OCSTAMP: variants seen among roughly 807,000 people sequenced by gnomAD.
OCSTAMP encodes osteoclast stimulatory transmembrane protein.
OCSTAMP carries 17 observed loss-of-function variants against 25.2 expected under a neutral mutation model. The observed-to-expected ratio is 0.68, with a 90% CI of 0.46 to 1.01. The LOEUF is 1.01. OCSTAMP is among the 50% of genes least tolerant of loss of function. The pLI is 0.00. For synonymous variants in OCSTAMP, 345 were observed against 318.9 expected, an observed-to-expected ratio of 1.08 and a Z score of -0.87; for missense variants, 664 against 694.6, an observed-to-expected ratio of 0.96 and a Z score of 0.50.
In OCSTAMP at chr20:46,546,121, CA is replaced by C. The variant is rs1001843150; in HGVS notation, c.252del (p.Ala85ProfsTer10). 2 of 1,551,656 alleles carry C rather than the reference CA, an allele frequency of 1.3e-6. No homozygotes were observed. Among genetic ancestry groups the C allele is most frequent in the African/African-American group, 2.7e-5 (2 of 73,062 alleles). On this transcript the variant is annotated frameshift_variant, in exon 2 of 3. Transcript: ENST00000279028. LOFTEE classifies it high-confidence loss of function. ...AAGACCAGGAGGCCACAGACAGTGG[CA>C]ACCATGGCTGAAGGTCCAGGAGGAT... ...LLYPPGPSAMVATVCGLLVFL... is the reference protein window; with the variant it reads ...LLYPPGPSAMXATVCGLLVFL...
intron 1 of OCSTAMP, 23 bp from the exon 2 acceptor site, chr20:46,546,352 G>A (rs560803460): frequency 9.2e-6 from 14 of 1,528,502 alleles, no homozygotes; most frequent in Middle Eastern, 2.3e-4. Flanking sequence ...AAATTGAAGG[G>A]CATCTCTATC....
intron 2 of OCSTAMP, among the ~76,000 whole-genome samples, chr20:46,543,862 AC>A (rs1228376802): frequency 1.3e-5 from 2 of 152,164 alleles, no homozygotes; most frequent in Non-Finnish European, 2.9e-5. Context: ...AAATCAGGGA[AC>A]ATGCTTAGAA....
In OCSTAMP at chr20:46,541,725, A is replaced by G; in HGVS notation, c.1250T>C (p.Leu417Pro). ...ALQLLAGSTV[L>P]LEAYARRLRH... is the part of the protein sequence containing the mutation. ...CAGGCGGCGGGCGTAGGCCTCCAGG[A>G]GCACCGTGGAGCCCGCCAGGAGCTG... The change falls in exon 3 of 3, where the codon CTC becomes CCC. Residue 417 changes from leucine (L) to proline (P), a missense_variant. By Grantham distance (98) the Leu-to-Pro change is moderately conservative. Coordinates refer to ENST00000279028, the MANE Select transcript of OCSTAMP (RefSeq NM_080721.3). The G allele has an allele frequency of 6.5e-7, 1 of 1,547,390 alleles. No homozygotes were observed.
At position 46,545,378 on chromosome 20, in the gene OCSTAMP, G is replaced by C. The variant is rs1231318876; in HGVS notation, c.996C>G (p.Asp332Glu). ...GCACAGTTGGCAACTTCTGAGCCCA[G>C]TCCACAGTAGCCTGTGCCAGGAGGA... is the stretch of plus-strand genomic sequence containing the variant. ...VAFLLAQATVDWAQKLPTVPI... is the reference protein window; with the variant it reads ...VAFLLAQATVEWAQKLPTVPI... Residue 332 changes from aspartate (D) to glutamate (E), a missense_variant, in exon 2 of 3, where the codon GAC (aspartate) becomes GAG (glutamate). Transcript: ENST00000279028. 25 of 1,522,790 alleles carry C rather than the reference G, an allele frequency of 1.6e-5. No individual in the cohort carries two copies. The highest frequency in any genetic ancestry group is 2.2e-5 in the Non-Finnish European group (25 of 1,135,706). 94.3% of individuals were successfully genotyped at this position (1,522,790 alleles called of 1,614,324 possible).
Position 46,545,775 on chromosome 20 carries a change from A to G in OCSTAMP, c.599T>C (p.Met200Thr), listed in dbSNP as rs1435351411. The change falls in exon 2 of 3, where the codon ATG becomes ACG. Residue 200 changes from methionine to threonine, a missense_variant. By Grantham distance (81) the Met-to-Thr change is moderately conservative. Coordinates refer to ENST00000279028, the MANE Select transcript of OCSTAMP (RefSeq NM_080721.3). ...CAGGACCTGCTGAGTGACCCTGAGC[A>G]TGTGAAGGTAGAAGGCAGAGCCATT... ...QDNGSAFYLH[M>T]LRVTQQVLED... The G allele has an allele frequency of 4.5e-6, 7 of 1,551,492 alleles. No homozygotes were observed. The highest frequency in any genetic ancestry group is 6.1e-6 in the Non-Finnish European group (7 of 1,146,992).
Position 46,550,499 on chromosome 20 carries a change from C to G in OCSTAMP, c.44+18G>C. The G allele has an allele frequency of 3.9e-6, 6 of 1,551,184 alleles. No individual in the cohort carries two copies. Among genetic ancestry groups the G allele is most frequent in the Non-Finnish European group, 5.2e-6 (6 of 1,146,564 alleles). On this transcript the variant is annotated intron_variant, in intron 1 of 2. Transcript: ENST00000279028. ...TTTCTCACCTGTAGCCCTCAGTGTC[C>G]AAAGTCCCCAGACCTACCCGGTCTT...
chr20:46,545,074 T>A (rs760768032), intron 2 of OCSTAMP, among the ~76,000 whole-genome samples: 39 of 152,176 alleles, frequency 2.6e-4, no homozygotes, highest in Non-Finnish European at 5.3e-4. Context: ...AGGGTGACCT[T>A]GGATGCAAGT....
In OCSTAMP at chr20:46,541,052, A is replaced by T; in HGVS notation, c.*222T>A. On this transcript the variant is annotated 3_prime_UTR_variant, in exon 3 of 3. Transcript: ENST00000279028. ...AATCTAAGATTTAATAAATACGTTT[A>T]TTTATAAAATTAAAACTATGGGTTA... 2.0e-6 allele frequency: 1 copy of T among 490,490 alleles called. No homozygotes were observed. Among genetic ancestry groups the T allele is most frequent in the East Asian group, 3.0e-5 (1 of 33,172 alleles). 30.4% of individuals were successfully genotyped at this position (490,490 alleles called of 1,614,324 possible). A position where few individuals can be genotyped will look rare whatever the true frequency, so the allele number is the denominator to read the frequency against.
rs1601102562 is a variant in OCSTAMP, at chr20:46,545,216, G to C, written c.1047+111C>G. The C allele has an allele frequency of 6.8e-6, 8 of 1,182,672 alleles. 3 individuals are homozygous for C. The Admixed American group carries it at 2.6e-4, about 39-fold the overall frequency. The allele number at this position is 1,182,672 out of a possible 1,614,324, so 73.3% of individuals were successfully genotyped here. On this transcript the variant is annotated intron_variant, in intron 2 of 2. Coordinates refer to ENST00000279028, the MANE Select transcript of OCSTAMP (RefSeq NM_080721.3). ...GTATGGGGCCCCATGGATGATTCAA[G>C]GGCTGTTTCTTGGAGGCAAGTCAAA... is the stretch of plus-strand genomic sequence containing the variant.
chr20:46,550,465 G>A, intron 1 of OCSTAMP, 52 bp downstream of exon 1: 1 of 1,504,408 alleles, frequency 6.6e-7, no homozygotes. Context: ...ACCCCCAATG[G>A]CTGACTGTTT....
chr20:46,549,633 G>A (rs1258175252), intron 1 of OCSTAMP, among the ~76,000 whole-genome samples: 1 of 152,134 alleles, frequency 6.6e-6, no homozygotes, highest in Non-Finnish European at 1.5e-5. Context: ...ATCCCTGACA[G>A]AAGGAACAGC....
Position 46,545,477 on chromosome 20 carries a change from A to G in OCSTAMP, c.897T>C (p.Cys299=), listed in dbSNP as rs1267675757. Reference sequence around the variant, plus strand: ...GGGCAAGCAGCCCCAGCCTTAGAAGACAACTCAACAGCTCCTCCTGTGACA... The same window carrying G: ...GGGCAAGCAGCCCCAGCCTTAGAAGGCAACTCAACAGCTCCTCCTGTGACA... ...LRLSQEELLS[C]LLRLGLLALL... Residue 299 remains cysteine, a synonymous_variant, in exon 2 of 3, where the codon TGT becomes TGC. Coordinates refer to ENST00000279028, the MANE Select transcript of OCSTAMP (RefSeq NM_080721.3). 1.9e-6 allele frequency: 3 copies of G among 1,551,364 alleles called. No individual in the cohort carries two copies. The African/African-American group carries it at 4.1e-5, about 21-fold the overall frequency.
Position 46,550,625 on chromosome 20 carries a change from TG to T in OCSTAMP, c.-66del. The T allele has an allele frequency of 1.7e-5, 25 of 1,458,170 alleles. No homozygotes were observed. In the South Asian group the frequency reaches 3.0e-4, roughly 18 times the overall value. 90.3% of individuals were successfully genotyped at this position (1,458,170 alleles called of 1,614,324 possible). A position where few individuals can be genotyped will look rare whatever the true frequency, so the allele number is the denominator to read the frequency against. Reference sequence around the variant, plus strand: ...GCAGCTGTGGCAGGTGGAGAGGAAGTGGGGGAATCGCTGGGACTTGGGAATC... The same window carrying T: ...GCAGCTGTGGCAGGTGGAGAGGAAGTGGGGAATCGCTGGGACTTGGGAATC... On this transcript the variant is annotated 5_prime_UTR_variant, in exon 1 of 3. Coordinates refer to ENST00000279028, the MANE Select transcript of OCSTAMP (RefSeq NM_080721.3).
At chr20:46,544,333 G>A (rs985819996) in intron 2 of OCSTAMP, among the ~76,000 whole-genome samples, 1 of 152,190 alleles carries the variant, frequency 6.6e-6, no homozygotes, top group Non-Finnish European at 1.5e-5. Flanking sequence ...TGCCTAAGAT[G>A]TAATCTTATA....
At chr20:46,541,954 C>A in intron 2 of OCSTAMP, 27 bp from the exon 3 acceptor site, 1 of 1,414,262 alleles carries the variant, frequency 7.1e-7, no homozygotes, top group South Asian at 1.6e-5. Context: ...AAGGCAGGGT[C>A]AACTGAGGGC....
At chr20:46,543,240 C>CT (rs1171618089) in intron 2 of OCSTAMP, among the ~76,000 whole-genome samples, 1 of 144,362 alleles carries the variant, frequency 6.9e-6, no homozygotes, top group East Asian at 2.0e-4. Context: ...CTTTTTCTTT[C>CT]TTTCTTTCTT....
chr20:46,548,377 T>G (rs1462035317), intron 1 of OCSTAMP, among the ~76,000 whole-genome samples: 1 of 152,218 alleles, frequency 6.6e-6, no homozygotes, highest in African/African-American at 2.4e-5. Flanking sequence ...CCCAAGTGCC[T>G]ACAATAGTGT....
Position 46,541,502 on chromosome 20 carries a change from G to A in OCSTAMP, c.1473C>T (p.Thr491=), listed in dbSNP as rs1457201747. 32 of 1,551,588 alleles carry A rather than the reference G, an allele frequency of 2.1e-5. No homozygotes were observed. Among genetic ancestry groups the A allele is most frequent in the Non-Finnish European group, 2.8e-5 (32 of 1,146,988 alleles). Residue 491 remains threonine (T), a synonymous_variant, in exon 3 of 3, where the codon ACC becomes ACT. Coordinates refer to ENST00000279028, the MANE Select transcript of OCSTAMP (RefSeq NM_080721.3). ...WIDYRLDALR[T]ESSEGEGKEL... is the part of the protein sequence containing the mutation. ...CTTTCCCTTCTCCCTCACTGCTCTCGGTTCTTAAGGCATCCAGCCTGTAGT... is the reference window on the plus strand; with the variant it reads ...CTTTCCCTTCTCCCTCACTGCTCTCAGTTCTTAAGGCATCCAGCCTGTAGT...
chr20:46,545,577 C>A lies in OCSTAMP; in HGVS notation c.797G>T (p.Arg266Leu), dbSNP rs76943342. 1.3e-6 allele frequency: 2 copies of A among 1,551,574 alleles called. No homozygotes were observed. The highest frequency in any genetic ancestry group is 3.9e-5 in the Admixed American group (2 of 50,992). ...GTGTGTAGCCTGGGCCTGTGCCAAC[C>A]GCTGGGTCAGCTGTTGAGTGGCGTA... ...NIYATQQLTQ[R>L]LAQAQATHLL... The change falls in exon 2 of 3, where the codon CGG (arginine) becomes CTG (leucine). Residue 266 changes from arginine (R) to leucine (L), a missense_variant. Physicochemically the swap from Arg to Leu is moderately radical, Grantham distance 102. Coordinates refer to ENST00000279028, the MANE Select transcript of OCSTAMP (RefSeq NM_080721.3).
Sources: gnomAD v4.1 joint callset for allele counts (sites outside exome capture counted in the v4.1 genomes callset) on GRCh38, gnomAD v4.1.1 for gene constraint, MANE v1.5 for transcripts, NCBI Gene and HGNC (gene_info 2026-07-23, HGNC 2026-07-21) for gene names.